INTS1: variants seen among roughly 807,000 people sequenced by gnomAD.
The protein encoded by INTS1 is integrator complex subunit 1.
INTS1 carries 137 observed loss-of-function variants against 241.6 expected under a neutral mutation model. The observed-to-expected ratio is 0.57, with a 90% CI of 0.49 to 0.65. INTS1 has a LOEUF of 0.65. Ranked by LOEUF, INTS1 falls within the 30% of genes least tolerant of loss-of-function variation. The probability of loss-of-function intolerance (pLI) is 0.00; values close to 1 mark genes in which losing one functional copy is unlikely to be tolerated. For synonymous variants in INTS1, 1,692 were observed against 1,337.8 expected (o/e 1.26, Z -5.78); for missense variants, 3,073 against 3,032.2 (o/e 1.01, Z -0.32).
At chr7:1,479,396 C>A in intron 31 of INTS1, 34 bp downstream of exon 31, 2 of 1,549,296 alleles carry the variant, frequency 1.3e-6, no homozygotes, top group East Asian at 2.4e-5. Context: ...CCCTCACTGC[C>A]CTCCTCCCCC....
In INTS1 at chr7:1,497,294, C is replaced by G. The variant is rs1478163034; in HGVS notation, c.1446G>C (p.Gln482His). Residue 482 changes from glutamine (Q) to histidine (H), a missense_variant, in exon 11 of 48, where the codon CAG (glutamine) becomes CAC (histidine). Physicochemically the swap from Gln to His is conservative, Grantham distance 24. Coordinates refer to ENST00000404767, the MANE Select transcript of INTS1 (RefSeq NM_001080453.3). This position sits in a 1 kb window ranked among gnomAD's most constrained non-coding sequence, Gnocchi z 5.3. ...LAPKFLAMVF[Q>H]DLLTNKDDYL... ...AGTCGTCCTTGTTGGTCAGCAGGTC[C>G]TGGAACACCATGGCCAGGAACTGGG... 3 of 1,612,878 alleles carry G rather than the reference C, an allele frequency of 1.9e-6. No homozygotes were observed. In the Admixed American group the frequency reaches 5.0e-5, roughly 27 times the overall value.
Position 1,499,502 on chromosome 7 carries a change from G to A in INTS1, c.815C>T (p.Ala272Val), listed in dbSNP as rs377655032. ...ACCCAGGTCGCCCGCAACGCGGCCC[G>A]CCTCCCCCTGCAGCAGCACGCTCCT... ...PPRSVLLQGE[A>V]GRVAGDLGAG... Residue 272 changes from alanine (A) to valine (V), a missense_variant, in exon 6 of 48, where the codon GCG (alanine) becomes GTG (valine). By Grantham distance (64) the Ala-to-Val change is moderately conservative (BLOSUM62 0). Transcript: ENST00000404767. 4.6e-5 allele frequency: 73 copies of A among 1,577,584 alleles called. No homozygotes were observed. Among genetic ancestry groups the A allele is most frequent in the Middle Eastern group, 1.7e-4 (1 of 5,864 alleles).
At position 1,474,236 on chromosome 7, in the gene INTS1, G is replaced by T; in HGVS notation, c.5761C>A (p.His1921Asn). The change falls in exon 41 of 48, where the codon CAC becomes AAC. Residue 1921 changes from histidine (H) to asparagine (N), a missense_variant. His to Asn is a moderately conservative substitution (Grantham distance 68, BLOSUM62 1). Coordinates refer to ENST00000404767, the MANE Select transcript of INTS1 (RefSeq NM_001080453.3). ...CCCTGGTGCTCGCTGCGGAACACGT[G>T]CGGCTGCAGCAGCTCCAGCAGGCCC... Reference protein sequence around the residue: ...VLGLLELLQPHVFRSEHQGAL... With the variant: ...VLGLLELLQPNVFRSEHQGAL... 6.2e-7 allele frequency: 1 copy of T among 1,602,616 alleles called. No individual in the cohort carries two copies.
intron 11 of INTS1, among the ~76,000 whole-genome samples, chr7:1,496,812 A>C (rs6946028): frequency 0.54 from 81,656 of 152,062 alleles, 23,734 homozygotes; most frequent in African/African-American, 0.77. Context: ...AGCCCTCGAA[A>C]AGTCTCCAAC....
rs2128530703 is a variant in INTS1, at chr7:1,470,396, A to T, written c.*181T>A. The T allele has an allele frequency of 1.9e-6, 1 of 526,012 alleles. No individual in the cohort carries two copies. Among genetic ancestry groups the T allele is most frequent in the East Asian group, 3.3e-5 (1 of 30,322 alleles). 32.6% of individuals were successfully genotyped at this position (526,012 alleles called of 1,614,324 possible). A position where few individuals can be genotyped will look rare whatever the true frequency, so the allele number is the denominator to read the frequency against. ...GGCTTGCTGGACGGCCCCTGATGCC[A>T]GCGGCCGGCCCGGAGCCACCCCAGG... On this transcript the variant is annotated 3_prime_UTR_variant, in exon 48 of 48. Transcript: ENST00000404767.
chr7:1,495,363 T>C, intron 13 of INTS1, 70 bp downstream of exon 13: 1 of 1,538,668 alleles, frequency 6.5e-7, no homozygotes. Flanking sequence ...GGGCAGGGGT[T>C]GTGCGGGGCC....
chr7:1,494,520 G>A (rs1189276801), intron 14 of INTS1: 3 of 501,694 alleles, frequency 6.0e-6, no homozygotes, highest in Middle Eastern at 5.6e-4. Flanking sequence ...CGTGAAGGGT[G>A]GCGTGCCCGT....
rs574698840 is a variant in INTS1 at position 1,503,594 on chromosome 7, C to G, written c.58+309G>C. Among the ~76,000 whole-genome samples the G allele has an allele frequency of 2.8e-4, 42 of 152,350 alleles. No individual in the cohort carries two copies. The East Asian group carries it at 7.7e-3, about 28-fold the overall frequency. ...GAGCCGACAGTTCAGCCGCAGACCC[C>G]GTGCTACGCTACACTGTGCTGCCTC... On this transcript the variant is annotated intron_variant, in intron 2 of 47. Transcript: ENST00000404767.
rs758628443 is a variant in INTS1, at chr7:1,485,322, C to T, written c.3124G>A (p.Val1042Ile). 39 of 1,611,676 alleles carry T rather than the reference C, an allele frequency of 2.4e-5. No individual in the cohort carries two copies. The highest frequency in any genetic ancestry group is 8.0e-5 in the African/African-American group (6 of 74,928). Reference protein sequence around the residue: ...DLPRLPLFDSVRSTTALALQQ... With the variant: ...DLPRLPLFDSIRSTTALALQQ... Reference sequence around the variant, plus strand: ...AGGGCCAGGGCTGTGGTGCTCCTGACGCTGTCGAACAGAGGCAGGCGAGGC... The same window carrying T: ...AGGGCCAGGGCTGTGGTGCTCCTGATGCTGTCGAACAGAGGCAGGCGAGGC... Residue 1042 changes from valine to isoleucine, a missense_variant, in exon 23 of 48, where the codon GTC becomes ATC. Physicochemically the swap from Val to Ile is conservative, Grantham distance 29. Transcript: ENST00000404767.
intron 16 of INTS1, 35 bp from the exon 17 acceptor site, chr7:1,489,717 G>T: frequency 7.1e-7 from 1 of 1,404,234 alleles, no homozygotes; most frequent in African/African-American, 1.4e-5. Flanking sequence ...CAGGCCCAGC[G>T]CACCAAGCTC....
chr7:1,503,387 T>C (rs997495502), intron 2 of INTS1, among the ~76,000 whole-genome samples, 196 bp from the exon 3 acceptor site: 1 of 152,192 alleles, frequency 6.6e-6, no homozygotes, highest in Non-Finnish European at 1.5e-5. Flanking sequence ...GACAGTCACG[T>C]AGCGCTAACC....
intron 14 of INTS1, chr7:1,494,451 G>C: frequency 2.9e-6 from 1 of 344,026 alleles, no homozygotes; most frequent in Non-Finnish European, 5.6e-6. Flanking sequence ...AGCCGGCTGG[G>C]GAAGGACAGT....
At chr7:1,502,475 T>C (rs1783233478) in intron 3 of INTS1, among the ~76,000 whole-genome samples, 1 of 152,196 alleles carries the variant, frequency 6.6e-6, no homozygotes, top group South Asian at 2.1e-4. Context: ...AACTCTTCTC[T>C]GTTGGTAACC....
At chr7:1,499,394 T>TCCC in intron 6 of INTS1, 34 bp from the exon 7 acceptor site, 1 of 1,400,286 alleles carries the variant, frequency 7.1e-7, no homozygotes, top group African/African-American at 1.5e-5. Flanking sequence ...ATGCAGCGCC[T>TCCC]CCCACCCGCC....
In INTS1 at chr7:1,486,640, G is replaced by T. The variant is rs904438098; in HGVS notation, c.2961C>A (p.Arg987=). The part of the protein sequence containing the change: ...RRLGSSQVAS[R]VLAMKGLSLV... ...ACCACCTCACCTTCATGGCCAGCAC[G>T]CGGGAGGCCACCTGGGAGGAGCCGA... Residue 987 remains arginine (R), a synonymous_variant, in exon 22 of 48, where the codon CGC becomes CGA. Transcript: ENST00000404767. 2 of 1,611,794 alleles carry T rather than the reference G, an allele frequency of 1.2e-6. No homozygotes were observed. Among genetic ancestry groups the T allele is most frequent in the Non-Finnish European group, 1.7e-6 (2 of 1,179,450 alleles).
In INTS1 at chr7:1,474,803, A is replaced by G. The variant is rs1350360987; in HGVS notation, c.5538T>C (p.Leu1846=). ...DGLIHRFITL[L]ADTSDSRALE... ...ACGCCCGGGAGTCGCTGGTGTCCGC[A>G]AGGAGCGTGATGAAGCGGTGGATGA... The change falls in exon 40 of 48, where the codon CTT becomes CTC. Residue 1846 remains leucine, a synonymous_variant. Transcript: ENST00000404767. 1.9e-6 allele frequency: 3 copies of G among 1,590,590 alleles called. No individual in the cohort carries two copies. The highest frequency in any genetic ancestry group is 2.6e-6 in the Non-Finnish European group (3 of 1,171,070).
At position 1,494,410 on chromosome 7, in the gene INTS1, G is replaced by A. The variant is rs937626496; in HGVS notation, c.1910+406C>T. Reference sequence around the variant, plus strand: ...ACCAAGAACCCACGGGGTCACCCATGGGGCTTGAAGGGGGACAGAGCTGTG... The same window carrying A: ...ACCAAGAACCCACGGGGTCACCCATAGGGCTTGAAGGGGGACAGAGCTGTG... On this transcript the variant is annotated intron_variant, in intron 14 of 47. Transcript: ENST00000404767. The A allele has an allele frequency of 2.8e-5, 8 of 280,962 alleles. No homozygotes were observed. In the East Asian group the frequency reaches 4.4e-4, roughly 15 times the overall value. 17.4% of individuals were successfully genotyped at this position (280,962 alleles called of 1,614,324 possible).
In INTS1 at chr7:1,477,435, A is replaced by AG. The variant is rs1237000552; in HGVS notation, c.4938+114dup. 22 of 1,208,466 alleles carry AG rather than the reference A, an allele frequency of 1.8e-5. No homozygotes were observed. In the East Asian group the frequency reaches 3.1e-4, roughly 17 times the overall value. 74.9% of individuals were successfully genotyped at this position (1,208,466 alleles called of 1,614,324 possible). ...CTACAGGGACACATGGCCTGAGAGC[A>AG]GGGGGGGTGCTGGGGCCCCTGCAAG... On this transcript the variant is annotated intron_variant, in intron 35 of 47. Transcript: ENST00000404767.
intron 39 of INTS1, 110 bp downstream of exon 39, chr7:1,475,838 G>T: frequency 2.2e-6 from 3 of 1,356,072 alleles, no homozygotes; most frequent in Non-Finnish European, 2.0e-6. Flanking sequence ...CTGGGAAGGG[G>T]CAAGAGGGGT....
Sources: allele counts gnomAD v4.1 joint callset (sites outside exome capture counted in the v4.1 genomes callset), GRCh38; gene constraint gnomAD v4.1.1; non-coding constraint Gnocchi (gnomAD v3.1); transcripts MANE v1.5; gene names NCBI Gene and HGNC (gene_info 2026-07-23, HGNC 2026-07-21).